MAP2K4: variants seen among roughly 807,000 people sequenced by gnomAD.
MAP2K4 encodes the protein mitogen-activated protein kinase kinase 4.
MAP2K4 carries 4 observed loss-of-function variants against 48.5 expected under a neutral mutation model. That is an observed-to-expected ratio of 0.08 (90% CI 0.04 to 0.19). The LOEUF (loss-of-function observed/expected upper bound fraction) is 0.19. Among genes scored for constraint, MAP2K4 ranks in the 10% least tolerant of loss-of-function variants. The pLI is 1.00. For synonymous variants in MAP2K4, 166 were observed against 173.1 expected (o/e 0.96, Z 0.32); for missense variants, 258 against 493.3 (o/e 0.52, Z 4.52).
intron 2 of MAP2K4, among the ~76,000 whole-genome samples, chr17:12,072,180 G>T (rs2151540549): frequency 6.6e-6 from 1 of 152,284 alleles, no homozygotes; most frequent in East Asian, 1.9e-4. Context: ...ATCCAAATTA[G>T]GGTTCACTAA....
chr17:12,039,656 C>T (rs1383391609), intron 1 of MAP2K4, among the ~76,000 whole-genome samples: 3 of 152,138 alleles, frequency 2.0e-5, no homozygotes, highest in African/African-American at 4.8e-5. Flanking sequence ...AACAATATTA[C>T]TAGATAGCTA....
intron 9 of MAP2K4, among the ~76,000 whole-genome samples, chr17:12,135,223 GAT>G (rs1567676844): frequency 6.6e-6 from 1 of 152,126 alleles, no homozygotes; most frequent in African/African-American, 2.4e-5. Flanking sequence ...AGAGTAGCTG[GAT>G]TACAGGCATG....
rs1261399155 is a variant in MAP2K4, at chr17:12,108,608, T to C, written c.633+699T>C. 2.6e-5 allele frequency among the ~76,000 whole-genome samples: 4 copies of C among 152,054 alleles called. No homozygotes were observed. The East Asian group carries it at 7.7e-4, about 29-fold the overall frequency. ...TAATTTACTTTTTATAGAGCAAAAT[T>C]CATAAGATTCTTAGAAACTCCTGAG... On this transcript the variant is annotated intron_variant, in intron 5 of 10. Coordinates refer to ENST00000353533, the MANE Select transcript of MAP2K4 (RefSeq NM_003010.4).
intron 1 of MAP2K4, among the ~76,000 whole-genome samples, chr17:12,027,166 T>G (rs1969278804): frequency 6.6e-6 from 1 of 151,992 alleles, no homozygotes. Flanking sequence ...AGGTTGGGAG[T>G]TTAATGTGTA....
intron 9 of MAP2K4, among the ~76,000 whole-genome samples, chr17:12,135,611 A>G (rs1268950231): frequency 6.6e-6 from 1 of 152,134 alleles, no homozygotes; most frequent in African/African-American, 2.4e-5. Flanking sequence ...GTGCAGTGGC[A>G]TGATCTTGGC....
intron 1 of MAP2K4, among the ~76,000 whole-genome samples, chr17:12,050,356 A>G (rs1555543737): frequency 6.6e-6 from 1 of 152,242 alleles, no homozygotes; most frequent in Non-Finnish European, 1.5e-5. Flanking sequence ...AAGATAGTTA[A>G]AAATTTAAAG....
intron 3 of MAP2K4, among the ~76,000 whole-genome samples, chr17:12,086,128 C>T (rs557877716): frequency 2.5e-4 from 38 of 152,182 alleles, no homozygotes; most frequent in African/African-American, 8.4e-4. Context: ...TCCAAAGGGC[C>T]GCAGTGATCA....
At chr17:12,051,905 G>A (rs939215231) in intron 1 of MAP2K4, among the ~76,000 whole-genome samples, 1 of 151,800 alleles carries the variant, frequency 6.6e-6, no homozygotes, top group African/African-American at 2.4e-5. Flanking sequence ...GTGAATGGGA[G>A]AGGAGAAGAT....
At chr17:12,123,163 GA>G (rs201264339) in intron 7 of MAP2K4, among the ~76,000 whole-genome samples, 29 of 150,950 alleles carry the variant, frequency 1.9e-4, no homozygotes, top group South Asian at 4.2e-4. Flanking sequence ...TCACTTTTTT[GA>G]AAAAAAAATT....
At chr17:12,030,758 C>T (rs1165385653) in intron 1 of MAP2K4, among the ~76,000 whole-genome samples, 1 of 152,068 alleles carries the variant, frequency 6.6e-6, no homozygotes, top group Admixed American at 6.6e-5. Context: ...TTGTTCACCT[C>T]TTCTCTCTCC....
At chr17:12,117,114 C>T (rs935167039) in intron 7 of MAP2K4, among the ~76,000 whole-genome samples, 1 of 152,042 alleles carries the variant, frequency 6.6e-6, no homozygotes, top group African/African-American at 2.4e-5. Flanking sequence ...TGCCAAACCA[C>T]CTGAAAGTTA....
intron 7 of MAP2K4, among the ~76,000 whole-genome samples, chr17:12,117,757 G>A (rs1396517088): frequency 6.6e-6 from 1 of 152,172 alleles, no homozygotes; most frequent in Non-Finnish European, 1.5e-5. Context: ...AGCTGTTAGA[G>A]AAACTGGACA....
At chr17:12,043,962 T>G (rs1044428650) in intron 1 of MAP2K4, among the ~76,000 whole-genome samples, 3 of 152,178 alleles carry the variant, frequency 2.0e-5, no homozygotes, top group South Asian at 4.1e-4. Flanking sequence ...CTCACTTGGT[T>G]GTTTTTTTCT....
Position 12,087,925 on chromosome 17 carries a change from T to G in MAP2K4, c.393+6395T>G, listed in dbSNP as rs1450082778. ...TGGCTTTGTGAGATATCATGGCCAT[T>G]TTCGTGTGTGATCTATTTAGAAGAC... On this transcript the variant is annotated intron_variant, in intron 3 of 10. Transcript: ENST00000353533. 2.6e-5 allele frequency among the ~76,000 whole-genome samples: 4 copies of G among 152,012 alleles called. No individual in the cohort carries two copies. The East Asian group carries it at 7.7e-4, about 29-fold the overall frequency.
At chr17:12,033,069 C>T (rs1310820353) in intron 1 of MAP2K4, among the ~76,000 whole-genome samples, 1 of 151,860 alleles carries the variant, frequency 6.6e-6, no homozygotes, top group Non-Finnish European at 1.5e-5. Context: ...CTCCTGGGCT[C>T]AAGAGATCCT....
At chr17:12,038,306 C>CA (rs1036074356) in intron 1 of MAP2K4, among the ~76,000 whole-genome samples, 6 of 151,868 alleles carry the variant, frequency 4.0e-5, no homozygotes, top group Admixed American at 3.9e-4. Context: ...CGAATCTAGG[C>CA]AAAAATGTAC....
chr17:12,103,434 T>C (rs1972005816), intron 4 of MAP2K4, among the ~76,000 whole-genome samples: 1 of 152,122 alleles, frequency 6.6e-6, no homozygotes, highest in Admixed American at 6.6e-5. Context: ...TTCTTCCTTT[T>C]ACTTATTTTT....
At chr17:12,098,492 A>G (rs1971832031) in intron 4 of MAP2K4, among the ~76,000 whole-genome samples, 1 of 151,322 alleles carries the variant, frequency 6.6e-6, no homozygotes, top group Admixed American at 6.6e-5. Flanking sequence ...AAAAAAAAAA[A>G]GTATGTGTGT....
At chr17:12,048,368 T>C (rs1970031203) in intron 1 of MAP2K4, among the ~76,000 whole-genome samples, 1 of 152,232 alleles carries the variant, frequency 6.6e-6, no homozygotes, top group South Asian at 2.1e-4. Flanking sequence ...TAAAATGTGC[T>C]AAAAGTTGCT....
Sources: gnomAD v4.1 joint callset for allele counts (sites outside exome capture counted in the v4.1 genomes callset) on GRCh38, gnomAD v4.1.1 for gene constraint, MANE v1.5 for transcripts, NCBI Gene and HGNC (gene_info 2026-07-23, HGNC 2026-07-21) for gene names.